IL1RAPL1: variants seen among roughly 807,000 people sequenced by gnomAD.
The protein encoded by IL1RAPL1 is interleukin-1 receptor accessory protein-like 1.
Under a neutral mutation model 48.4 loss-of-function variants are expected in IL1RAPL1, and 3 were observed. That is an observed-to-expected ratio of 0.06 (90% CI 0.03 to 0.16). The LOEUF is 0.16. IL1RAPL1 is among the 10% of genes least tolerant of loss of function. The pLI, the probability that IL1RAPL1 is intolerant of heterozygous loss-of-function variation, is 1.00. For missense variants in IL1RAPL1, 349 were observed against 530.6 expected (o/e 0.66, Z 3.36); for synonymous variants, 185 against 187.7 (o/e 0.99, Z 0.12).
chrX:29,950,508 C>G (rs183392625), intron 9 of IL1RAPL1, among the ~76,000 whole-genome samples: 9 of 111,128 alleles, frequency 8.1e-5, no homozygotes, highest in African/African-American at 2.9e-4. Flanking sequence ...CAATCAGCAG[C>G]AGCATCTCTT....
At chrX:28,645,038 GAA>G (rs1228090309) in intron 1 of IL1RAPL1, among the ~76,000 whole-genome samples, 2 of 110,228 alleles carry the variant, frequency 1.8e-5, no homozygotes, top group Non-Finnish European at 3.8e-5. Flanking sequence ...TCTCTTTGGG[GAA>G]AAAAAGTATG....
At chrX:28,746,478 G>A (rs776957856) in intron 1 of IL1RAPL1, among the ~76,000 whole-genome samples, 1 of 111,754 alleles carries the variant, frequency 8.9e-6, no homozygotes, top group South Asian at 3.7e-4. Context: ...ATTTTAATGA[G>A]TGGTACATCT....
At position 29,168,807 on chromosome X, in the gene IL1RAPL1, ATATATTCATATGTACAATTGTATATG is replaced by A. The variant is rs1489784789; in HGVS notation, c.83-114079_83-114054del. On this transcript the variant is annotated intron_variant, in intron 2 of 10. Transcript: ENST00000378993. The stretch of plus-strand genomic sequence containing the variant: ...TATATTCATATGTACAATTGTATAT[ATATATTCATATGTACAATTGTATATG>A]TATATTCATATGTACAATTGTATAT... 1.2e-3 allele frequency among the ~76,000 whole-genome samples: 57 copies of A among 48,276 alleles called. 1 individual carries two copies. The highest frequency in any genetic ancestry group is 2.7e-3 in the African/African-American group (51 of 19,019). The allele number at this position is 48,276 out of a possible 115,157, so 41.9% of individuals were successfully genotyped here.
intron 2 of IL1RAPL1, among the ~76,000 whole-genome samples, chrX:29,116,223 A>G (rs774570052): frequency 2.7e-5 from 3 of 111,189 alleles, no homozygotes; most frequent in South Asian, 3.8e-4. Flanking sequence ...GTCCAATAGC[A>G]AGGGGGGGAT....
intron 2 of IL1RAPL1, among the ~76,000 whole-genome samples, chrX:29,124,405 G>A (rs1461546056): frequency 8.9e-6 from 1 of 112,016 alleles, no homozygotes; most frequent in Non-Finnish European, 1.9e-5. Flanking sequence ...GATTCCCTAT[G>A]GAAAAGTGAA....
chrX:29,801,026 A>C (rs1216624741), intron 6 of IL1RAPL1, among the ~76,000 whole-genome samples: 5 of 75,526 alleles, frequency 6.6e-5, no homozygotes, highest in African/African-American at 2.4e-4. Flanking sequence ...AAAAAAAAAA[A>C]AAAAAAAACT....
At chrX:28,967,805 G>T (rs1391167551) in intron 2 of IL1RAPL1, among the ~76,000 whole-genome samples, 2 of 112,392 alleles carry the variant, frequency 1.8e-5, no homozygotes, top group African/African-American at 6.5e-5. Flanking sequence ...GAATGTTAAA[G>T]TGGAAAAAGT....
chrX:29,569,619 A>G (rs758388620), intron 5 of IL1RAPL1, among the ~76,000 whole-genome samples: 1 of 105,877 alleles, frequency 9.4e-6, no homozygotes, highest in Non-Finnish European at 1.9e-5. Context: ...ATTGAGGACC[A>G]TGAATAAAAT....
rs1424553434 is a variant in IL1RAPL1 at position 29,045,971 on chromosome X, CT to C, written c.83-236966del. Among the ~76,000 whole-genome samples, 12 of 80,796 alleles carry C rather than the reference CT, an allele frequency of 1.5e-4. No homozygotes were observed. In the Admixed American group the frequency reaches 1.7e-3, roughly 11 times the overall value. 70.2% of individuals were successfully genotyped at this position (80,796 alleles called of 115,157 possible). A position where few individuals can be genotyped will look rare whatever the true frequency, so the allele number is the denominator to read the frequency against. ...CCTCCTCCTCCTCCTCCTCCTTCTTCTCCTCCTTCTTCCTCCTCCTCCTCCT... is the reference window on the plus strand; with the variant it reads ...CCTCCTCCTCCTCCTCCTCCTTCTTCCCTCCTTCTTCCTCCTCCTCCTCCT... On this transcript the variant is annotated intron_variant, in intron 2 of 10. Transcript: ENST00000378993.
At chrX:29,075,786 A>C (rs1231078728) in intron 2 of IL1RAPL1, among the ~76,000 whole-genome samples, 1 of 111,588 alleles carries the variant, frequency 9.0e-6, no homozygotes, top group Non-Finnish European at 1.9e-5. Context: ...AAAAAAATAA[A>C]TATGCTTATC....
At chrX:29,038,901 C>T (rs957106504) in intron 2 of IL1RAPL1, among the ~76,000 whole-genome samples, 1 of 111,286 alleles carries the variant, frequency 9.0e-6, no homozygotes, top group African/African-American at 3.3e-5. Context: ...TTTCCAATTT[C>T]AGTTTCTCTA....
chrX:29,401,793 T>C (rs1014724), intron 5 of IL1RAPL1, among the ~76,000 whole-genome samples: 41,058 of 110,236 alleles, frequency 0.37, 6,265 homozygotes, highest in Middle Eastern at 0.56. Flanking sequence ...CCTTCCCTTA[T>C]TGAAAATGTA....
chrX:28,710,892 C>T (rs986441052), intron 1 of IL1RAPL1, among the ~76,000 whole-genome samples: 10 of 112,195 alleles, frequency 8.9e-5, no homozygotes, highest in Admixed American at 8.5e-4. Flanking sequence ...CCTCAAGTGG[C>T]TAGTGGCCAT....
At chrX:29,061,761 G>T (rs1927347002) in intron 2 of IL1RAPL1, among the ~76,000 whole-genome samples, 1 of 112,635 alleles carries the variant, frequency 8.9e-6, no homozygotes, top group Non-Finnish European at 1.9e-5. Context: ...TCCTGGCCAC[G>T]TGTTTTACAT....
At chrX:29,677,916 C>T (rs1307554194) in intron 6 of IL1RAPL1, among the ~76,000 whole-genome samples, 1 of 111,641 alleles carries the variant, frequency 9.0e-6, no homozygotes, top group Non-Finnish European at 1.9e-5. Flanking sequence ...ATCCTACTAC[C>T]TTATCTGCCT....
intron 3 of IL1RAPL1, among the ~76,000 whole-genome samples, chrX:29,319,519 TA>T (rs1443815591): frequency 3.0e-4 from 24 of 79,313 alleles, no homozygotes; most frequent in African/African-American, 1.5e-3. Context: ...TGATATTTTG[TA>T]TGTATGTATG....
intron 5 of IL1RAPL1, among the ~76,000 whole-genome samples, chrX:29,620,451 G>A (rs1259095898): frequency 9.0e-6 from 1 of 111,721 alleles, no homozygotes; most frequent in Non-Finnish European, 1.9e-5. Context: ...TGATATTTGT[G>A]TATCTAAACA....
intron 2 of IL1RAPL1, among the ~76,000 whole-genome samples, chrX:29,200,185 C>A (rs887402069): frequency 9.0e-6 from 1 of 111,077 alleles, no homozygotes; most frequent in Non-Finnish European, 1.9e-5. Flanking sequence ...AAAGTCAGGT[C>A]TATGTTATAA....
intron 6 of IL1RAPL1, among the ~76,000 whole-genome samples, chrX:29,674,373 C>T (rs768545434): frequency 1.8e-5 from 2 of 111,515 alleles, no homozygotes; most frequent in African/African-American, 6.5e-5. Flanking sequence ...CTGCAGTGAG[C>T]CATGATTGTG....
Sources: allele counts gnomAD v4.1 joint callset (sites outside exome capture counted in the v4.1 genomes callset), GRCh38; gene constraint gnomAD v4.1.1; transcripts MANE v1.5; gene names NCBI Gene and HGNC (gene_info 2026-07-23, HGNC 2026-07-21).